Variants in ST7 observed in about 807,000 individuals in gnomAD.
The protein encoded by ST7 is suppression of tumorigenicity 7, also known as suppressor of tumorigenicity 7 protein.
Under a neutral mutation model 78.7 loss-of-function variants are expected in ST7, and 28 were observed. That is an observed-to-expected ratio of 0.36 (90% CI 0.26 to 0.49). The LOEUF (loss-of-function observed/expected upper bound fraction) is 0.49. ST7 is among the 20% of genes least tolerant of loss of function. ST7 has a pLI of 0.99. For missense variants in ST7, 418 were observed against 696.0 expected (o/e 0.60, Z 4.49); for synonymous variants, 247 against 249.6 (o/e 0.99, Z 0.10).
chr7:116,972,149 G>T, intron 1 of ST7: 1 of 554,916 alleles, frequency 1.8e-6, no homozygotes, highest in South Asian at 1.4e-5. Context: ...GCAGCAGCAG[G>T]GTGGGACTGG....
At chr7:117,104,295 C>T (rs928812595) in intron 2 of ST7, among the ~76,000 whole-genome samples, 2 of 152,106 alleles carry the variant, frequency 1.3e-5, no homozygotes, top group Non-Finnish European at 2.9e-5. Context: ...ACAAAATTAG[C>T]CGGGTGTGGT....
intron 1 of ST7, among the ~76,000 whole-genome samples, chr7:116,961,483 T>C (rs541309205): frequency 6.6e-6 from 1 of 152,234 alleles, no homozygotes; most frequent in African/African-American, 2.4e-5. Context: ...GTGTCATCTC[T>C]GATCTCTTTG....
At chr7:117,177,778 G>A (rs1272575256) in intron 10 of ST7, among the ~76,000 whole-genome samples, 2 of 152,106 alleles carry the variant, frequency 1.3e-5, no homozygotes, top group East Asian at 3.8e-4. Flanking sequence ...GGGGACCTCG[G>A]ATTGGCTTTT....
intron 1 of ST7, among the ~76,000 whole-genome samples, chr7:117,057,420 CT>C (rs1798119368): frequency 6.6e-6 from 1 of 152,124 alleles, no homozygotes; most frequent in Non-Finnish European, 1.5e-5. Flanking sequence ...AATTGATACT[CT>C]TTCCATATTG....
chr7:116,969,393 ATTC>A (rs1793302744), intron 1 of ST7, among the ~76,000 whole-genome samples: 1 of 152,276 alleles, frequency 6.6e-6, no homozygotes, highest in Admixed American at 6.5e-5. Flanking sequence ...TTTGTTTGAT[ATTC>A]TTCTTATGAT....
chr7:117,206,511 G>C (rs1791775742), intron 12 of ST7, among the ~76,000 whole-genome samples: 1 of 151,658 alleles, frequency 6.6e-6, no homozygotes. Flanking sequence ...AGAGAACTTA[G>C]AGGAGAAACA....
At chr7:116,999,233 T>C (rs1207128585) in intron 1 of ST7, among the ~76,000 whole-genome samples, 14 of 152,230 alleles carry the variant, frequency 9.2e-5, no homozygotes, top group Admixed American at 9.2e-4. Context: ...ATTGGAGAAC[T>C]CTGGTATACA....
intron 15 of ST7, chr7:117,223,246 G>A (rs970582426): frequency 2.4e-5 from 11 of 458,490 alleles, no homozygotes; most frequent in Admixed American, 3.7e-5. Context: ...GTTGTTTCTT[G>A]CCTGAACTCC....
intron 1 of ST7, among the ~76,000 whole-genome samples, chr7:117,091,377 A>G (rs1800602347): frequency 1.3e-5 from 2 of 152,254 alleles, no homozygotes; most frequent in Admixed American, 1.3e-4. Context: ...TTTAAAAAAC[A>G]TGCAAATATT....
At chr7:116,996,088 T>G (rs1014317494) in intron 1 of ST7, among the ~76,000 whole-genome samples, 3 of 151,220 alleles carry the variant, frequency 2.0e-5, no homozygotes, top group Non-Finnish European at 1.5e-5. Context: ...CCCCGTTTTT[T>G]TTTTTTTTTT....
intron 15 of ST7, 84 bp from the exon 16 acceptor site, chr7:117,229,678 G>C (rs2116250593): frequency 9.1e-7 from 1 of 1,097,878 alleles, no homozygotes; most frequent in East Asian, 2.4e-5. Flanking sequence ...AGAGACTTAA[G>C]CTGCAAGCGT....
intron 10 of ST7, among the ~76,000 whole-genome samples, chr7:117,178,699 G>A (rs566612604): frequency 6.6e-6 from 1 of 152,112 alleles, no homozygotes; most frequent in Non-Finnish European, 1.5e-5. Context: ...TGTTATTACT[G>A]GGAGATGAAC....
At chr7:117,017,509 A>G (rs1795670003) in intron 1 of ST7, among the ~76,000 whole-genome samples, 1 of 152,150 alleles carries the variant, frequency 6.6e-6, no homozygotes, top group Admixed American at 6.5e-5. Flanking sequence ...TGCTAACTTT[A>G]TCTAGAAATT....
At chr7:117,223,276 C>T (rs1308871826) in intron 15 of ST7, 6 of 374,764 alleles carry the variant, frequency 1.6e-5, no homozygotes, top group Non-Finnish European at 3.0e-5. Context: ...CTTAACTGGT[C>T]TCCTTGCTTC....
intron 10 of ST7, among the ~76,000 whole-genome samples, chr7:117,187,076 A>C (rs1353696996): frequency 1.3e-5 from 2 of 152,248 alleles, no homozygotes; most frequent in African/African-American, 2.4e-5. Flanking sequence ...AGGGAAATTT[A>C]GGATCCGTTT....
At chr7:117,043,246 A>T (rs1366627065) in intron 1 of ST7, among the ~76,000 whole-genome samples, 1 of 152,110 alleles carries the variant, frequency 6.6e-6, no homozygotes, top group African/African-American at 2.4e-5. Flanking sequence ...GTAATTTTTT[A>T]TTTTGACTTA....
intron 1 of ST7, among the ~76,000 whole-genome samples, chr7:117,086,322 G>A (rs548454435): frequency 1.3e-5 from 2 of 152,260 alleles, no homozygotes; most frequent in South Asian, 4.2e-4. Flanking sequence ...CTTAGAGTGA[G>A]GTTGACTGAC....
chr7:117,115,127 GC>G (rs148488948), intron 2 of ST7, among the ~76,000 whole-genome samples: 1,583 of 152,058 alleles, frequency 0.01, 33 homozygotes, highest in African/African-American at 0.036. Flanking sequence ...CACTTCCTCA[GC>G]CCTCTCATTC....
chr7:117,152,516 C>G (rs1243588045), intron 9 of ST7, among the ~76,000 whole-genome samples: 2 of 152,154 alleles, frequency 1.3e-5, no homozygotes, highest in East Asian at 3.9e-4. Context: ...TTGTTAAAAT[C>G]TCTTGACTCT....
Sources: allele counts gnomAD v4.1 joint callset (sites outside exome capture counted in the v4.1 genomes callset), GRCh38; gene constraint gnomAD v4.1.1; transcripts MANE v1.5; gene names NCBI Gene and HGNC (gene_info 2026-07-23, HGNC 2026-07-21).